Variants in PFKFB3 observed in about 807,000 individuals in gnomAD.
The protein encoded by PFKFB3 is 6-phosphofructo-2-kinase/fructose-2,6-biphosphatase 3.
Under a neutral mutation model 68.0 loss-of-function variants are expected in PFKFB3, and 33 were observed. That is an observed-to-expected ratio of 0.49 (90% CI 0.37 to 0.65). The LOEUF is 0.65. Ranked by LOEUF, PFKFB3 falls within the 30% of genes least tolerant of loss-of-function variation. The pLI is 0.00. For synonymous variants in PFKFB3, 315 were observed against 288.2 expected, an observed-to-expected ratio of 1.09 and a Z score of -0.94; for missense variants, 586 against 712.2, an observed-to-expected ratio of 0.82 and a Z score of 2.02.
chr10:6,322,181 TTC>T, the PFKFB3 span, among the ~76,000 whole-genome samples: 4 of 152,364 alleles, frequency 2.6e-5, no homozygotes, highest in Admixed American at 2.0e-4. Context: ...TCTTCCAGTG[TTC>T]TCTGTTTCTG....
chr10:6,208,273 CTA>C (rs1843924242), intron 1 of PFKFB3, among the ~76,000 whole-genome samples: 1 of 150,714 alleles, frequency 6.6e-6, no homozygotes, highest in Non-Finnish European at 1.5e-5. Context: ...CGGGGTCTCT[CTA>C]TGTTGCCCAA....
the PFKFB3 span, among the ~76,000 whole-genome samples, chr10:6,289,745 T>G: frequency 1.3e-5 from 2 of 152,162 alleles, no homozygotes; most frequent in African/African-American, 2.4e-5. Flanking sequence ...GTGAAGAAAG[T>G]CATTGGTAGC....
At chr10:6,308,727 C>T in the PFKFB3 span, among the ~76,000 whole-genome samples, 1 of 152,132 alleles carries the variant, frequency 6.6e-6, no homozygotes, top group African/African-American at 2.4e-5. Flanking sequence ...TCTGTTACAC[C>T]CATGACAGCG....
At chr10:6,211,692 T>C (rs1047435695) in intron 1 of PFKFB3, among the ~76,000 whole-genome samples, 3 of 152,210 alleles carry the variant, frequency 2.0e-5, no homozygotes, top group African/African-American at 7.2e-5. Flanking sequence ...CGGCTCACCC[T>C]GGGCAGTGAA....
intron 1 of PFKFB3, among the ~76,000 whole-genome samples, chr10:6,193,354 CA>C (rs1370589431): frequency 6.6e-5 from 10 of 151,934 alleles, no homozygotes; most frequent in African/African-American, 1.9e-4. Flanking sequence ...GACCCTGTCT[CA>C]AAAAAACAAA....
intron 1 of PFKFB3, among the ~76,000 whole-genome samples, chr10:6,181,375 G>A (rs886177265): frequency 6.6e-6 from 1 of 152,124 alleles, no homozygotes; most frequent in African/African-American, 2.4e-5. Context: ...AGCAACCCAA[G>A]TTCCATGGAG....
rs958260053 is a variant in PFKFB3 at position 6,234,708 on chromosome 10, T to A, written c.*1766T>A. 1 of 152,314 alleles carries A rather than the reference T, an allele frequency of 6.6e-6. No individual in the cohort carries two copies. Among genetic ancestry groups the A allele is most frequent in the African/African-American group, 2.4e-5 (1 of 41,440 alleles). 9.4% of individuals were successfully genotyped at this position (152,314 alleles called of 1,614,324 possible). On this transcript the variant is annotated 3_prime_UTR_variant, in exon 15 of 15. Transcript: ENST00000379775. ...CTTGGTTGTATTTTTCGATTTGACA[T>A]GGAAGGCCTGTTGCTTTGCTCTTGA...
In PFKFB3 at chr10:6,224,007, G is replaced by T. The variant is rs771030415; in HGVS notation, c.1263G>T (p.Thr421=). The change falls in exon 12 of 15, where the codon ACG becomes ACT. Residue 421 remains threonine, a synonymous_variant. Coordinates refer to ENST00000379775, the MANE Select transcript of PFKFB3 (RefSeq NM_004566.4). ...KCPLHTVLKL[T]PVAYGCRVES... ...CTCTTCACACCGTCCTGAAACTGACGCCTGTCGCTTATGGTGAGTAGCAAC... is the reference window on the plus strand; with the variant it reads ...CTCTTCACACCGTCCTGAAACTGACTCCTGTCGCTTATGGTGAGTAGCAAC... The T allele has an allele frequency of 1.2e-6, 2 of 1,614,178 alleles. No homozygotes were observed. Among genetic ancestry groups the T allele is most frequent in the South Asian group, 2.2e-5 (2 of 91,082 alleles).
chr10:6,226,747 C>G (rs1588532450), intron 14 of PFKFB3, among the ~76,000 whole-genome samples: 1 of 152,222 alleles, frequency 6.6e-6, no homozygotes, highest in East Asian at 1.9e-4. Context: ...AAAGTGGCTA[C>G]TTTCTCACAT....
At chr10:6,270,903 A>G in the PFKFB3 span, among the ~76,000 whole-genome samples, 3 of 152,200 alleles carry the variant, frequency 2.0e-5, no homozygotes, top group Admixed American at 2.0e-4. Context: ...CCTGCCTGGG[A>G]TAGTAAGCAC....
intron 1 of PFKFB3, among the ~76,000 whole-genome samples, chr10:6,164,995 CAA>C (rs142990752): frequency 0.011 from 1,638 of 151,930 alleles, 69 homozygotes; most frequent in East Asian, 0.099. Flanking sequence ...ATCTCAACTG[CAA>C]AGAGGCCCCC....
intron 8 of PFKFB3, among the ~76,000 whole-genome samples, chr10:6,221,109 C>T (rs1844927326): frequency 1.3e-5 from 2 of 151,906 alleles, no homozygotes; most frequent in Non-Finnish European, 2.9e-5. Context: ...CTTTGTGTTA[C>T]TTTGTATGTG....
At chr10:6,281,543 G>A in the PFKFB3 span, among the ~76,000 whole-genome samples, 1 of 152,080 alleles carries the variant, frequency 6.6e-6, no homozygotes, top group African/African-American at 2.4e-5. Flanking sequence ...ACAGCTCTTT[G>A]AGGTTTTAAA....
At chr10:6,243,618 A>G (rs1163887588) in intron 14 of PFKFB3, among the ~76,000 whole-genome samples, 2 of 152,174 alleles carry the variant, frequency 1.3e-5, no homozygotes, top group Non-Finnish European at 2.9e-5. Context: ...CCCTAATTCA[A>G]CTTTGCAGAG....
the PFKFB3 span, among the ~76,000 whole-genome samples, chr10:6,305,103 C>T: frequency 1.5e-5 from 2 of 137,578 alleles, no homozygotes; most frequent in African/African-American, 2.7e-5. Flanking sequence ...CTCAAACTAT[C>T]CTCCTGCCTT....
chr10:6,236,137 T>G (rs74112210), downstream of PFKFB3, among the ~76,000 whole-genome samples: 4,667 of 152,280 alleles, frequency 0.031, 188 homozygotes, highest in Admixed American at 0.091. Context: ...TCTTGCCTCA[T>G]TGGCACTACA....
the PFKFB3 span, among the ~76,000 whole-genome samples, chr10:6,317,299 C>T: frequency 1.3e-5 from 2 of 152,312 alleles, no homozygotes; most frequent in Admixed American, 1.3e-4. Flanking sequence ...GGCATTCTCT[C>T]TCAATTATCC....
the PFKFB3 span, among the ~76,000 whole-genome samples, chr10:6,313,407 C>G: frequency 6.6e-6 from 1 of 152,200 alleles, no homozygotes; most frequent in Non-Finnish European, 1.5e-5. This position sits in a 1 kb window ranked among gnomAD's most constrained non-coding sequence, Gnocchi z 4.2. Context: ...CGACCTGCCC[C>G]AGGTGCCGAA....
At chr10:6,301,411 C>G in the PFKFB3 span, among the ~76,000 whole-genome samples, 1 of 152,150 alleles carries the variant, frequency 6.6e-6, no homozygotes, top group African/African-American at 2.4e-5. Flanking sequence ...ATTCTTAGAT[C>G]ATTTGAGATA....
Sources: gnomAD v4.1 joint callset for allele counts (sites outside exome capture counted in the v4.1 genomes callset) on GRCh38, gnomAD v4.1.1 for gene constraint, Gnocchi (gnomAD v3.1) non-coding constraint, MANE v1.5 for transcripts, NCBI Gene and HGNC (gene_info 2026-07-23, HGNC 2026-07-21) for gene names.